BBOX1: variants seen among roughly 807,000 people sequenced by gnomAD.
BBOX1 encodes the protein gamma-butyrobetaine dioxygenase.
In BBOX1, 35 loss-of-function variants were observed where a neutral mutation model predicts 41.6. The ratio of observed to expected loss-of-function variants is 0.84; its 90% CI spans 0.64 to 1.11. The LOEUF (loss-of-function observed/expected upper bound fraction) is 1.11, where lower values mean the gene tolerates loss of function less well. BBOX1 is among the 50% of genes most tolerant of loss of function. The pLI, the probability that BBOX1 is intolerant of heterozygous loss-of-function variation, is 0.00. For missense variants in BBOX1, 458 were observed against 460.6 expected (o/e 0.99, Z 0.05); for synonymous variants, 163 against 154.7 (o/e 1.05, Z -0.40).
chr11:27,061,303 G>C (rs1857127343), intron 4 of BBOX1, among the ~76,000 whole-genome samples: 3 of 152,228 alleles, frequency 2.0e-5, no homozygotes, highest in South Asian at 4.1e-4. Flanking sequence ...TTAAGTAGTG[G>C]AAAAAACTGG....
chr11:27,109,874 G>C (rs1055620654), intron 5 of BBOX1, among the ~76,000 whole-genome samples: 11 of 151,976 alleles, frequency 7.2e-5, no homozygotes, highest in Non-Finnish European at 1.6e-4. Context: ...AAAATATCCA[G>C]ACCAAGGGTC....
At chr11:27,072,502 T>A (rs1466504659) in intron 4 of BBOX1, among the ~76,000 whole-genome samples, 1 of 152,142 alleles carries the variant, frequency 6.6e-6, no homozygotes, top group Non-Finnish European at 1.5e-5. Flanking sequence ...CTGCCCAAGG[T>A]AATTTATAGA....
intron 5 of BBOX1, among the ~76,000 whole-genome samples, chr11:27,105,392 C>T (rs1304517591): frequency 1.3e-5 from 2 of 152,002 alleles, no homozygotes; most frequent in Non-Finnish European, 2.9e-5. Flanking sequence ...GTAGGGAAAT[C>T]CTTAAATGAC....
At chr11:27,083,601 C>A (rs1304050765) in intron 4 of BBOX1, among the ~76,000 whole-genome samples, 1 of 152,016 alleles carries the variant, frequency 6.6e-6, no homozygotes, top group Non-Finnish European at 1.5e-5. Flanking sequence ...TCTTAATCAC[C>A]ATGTCTAAAT....
chr11:27,092,652 C>T (rs1007936383), intron 4 of BBOX1, among the ~76,000 whole-genome samples: 16 of 151,996 alleles, frequency 1.1e-4, no homozygotes, highest in African/African-American at 3.9e-4. Context: ...ATCACTTGAT[C>T]CCAGAGGTTG....
intron 4 of BBOX1, among the ~76,000 whole-genome samples, chr11:27,064,297 A>C (rs1440732421): frequency 1.3e-5 from 2 of 152,130 alleles, no homozygotes; most frequent in Non-Finnish European, 2.9e-5. Context: ...CAGCTGCCTT[A>C]GAGCAATTAA....
At chr11:27,103,786 G>T (rs1329891591) in intron 5 of BBOX1, among the ~76,000 whole-genome samples, 1 of 151,824 alleles carries the variant, frequency 6.6e-6, no homozygotes, top group African/African-American at 2.4e-5. Flanking sequence ...CTGTCTGTAG[G>T]TATGCTATTT....
At chr11:27,110,940 A>G (rs1859038512) in intron 5 of BBOX1, among the ~76,000 whole-genome samples, 1 of 151,982 alleles carries the variant, frequency 6.6e-6, no homozygotes, top group Non-Finnish European at 1.5e-5. Flanking sequence ...ATTTTTAAAC[A>G]TGGCCTCCTT....
At chr11:27,095,040 A>T (rs1858388855) in intron 5 of BBOX1, among the ~76,000 whole-genome samples, 4 of 151,998 alleles carry the variant, frequency 2.6e-5, no homozygotes, top group Admixed American at 2.6e-4. Context: ...GCAGAGAATT[A>T]ATCTGTAACC....
intron 4 of BBOX1, among the ~76,000 whole-genome samples, chr11:27,082,554 T>C (rs1857884000): frequency 6.6e-6 from 1 of 152,170 alleles, no homozygotes; most frequent in Non-Finnish European, 1.5e-5. Context: ...TCCCATTGTC[T>C]TCAGTCAAAT....
At chr11:27,064,111 G>C (rs1214339784) in intron 4 of BBOX1, among the ~76,000 whole-genome samples, 1 of 152,040 alleles carries the variant, frequency 6.6e-6, no homozygotes, top group Non-Finnish European at 1.5e-5. Context: ...CTCAGAGGTG[G>C]GAGCCTGCAA....
intron 4 of BBOX1, among the ~76,000 whole-genome samples, chr11:27,089,361 T>G (rs1185124734): frequency 6.6e-6 from 1 of 151,942 alleles, no homozygotes; most frequent in Non-Finnish European, 1.5e-5. Flanking sequence ...CACTATCATC[T>G]CTCTAGGCTG....
At chr11:27,093,391 C>T in intron 5 of BBOX1, 25 bp downstream of exon 5, 1 of 1,606,974 alleles carries the variant, frequency 6.2e-7, no homozygotes, top group Non-Finnish European at 8.5e-7. Flanking sequence ...GGTTTGTATT[C>T]TGCCATCACA....
chr11:27,094,982 T>C (rs1295708948), intron 5 of BBOX1, among the ~76,000 whole-genome samples: 1 of 151,882 alleles, frequency 6.6e-6, no homozygotes, highest in East Asian at 1.9e-4. Flanking sequence ...CACAACAACT[T>C]TCTGAAATAA....
At chr11:27,096,838 T>C (rs1013931543) in intron 5 of BBOX1, among the ~76,000 whole-genome samples, 3 of 152,032 alleles carry the variant, frequency 2.0e-5, no homozygotes, top group Non-Finnish European at 4.4e-5. Flanking sequence ...AATACAATAA[T>C]TATTAGAATC....
rs377359383 is a variant in BBOX1 at position 27,119,770 on chromosome 11, C to G, written c.761C>G (p.Ser254Cys). Residue 254 changes from serine (S) to cysteine (C), a missense_variant, in exon 7 of 9, where the codon TCT (serine) becomes TGT (cysteine). Transcript: ENST00000263182. The stretch of plus-strand genomic sequence containing the variant: ...CCTCAGGCATTCCAGATTTTGTCCT[C>G]TACCTTTGTGGACTTTACAGACATT... ...NNPQAFQILSSTFVDFTDIGV... is the reference protein window; with the variant it reads ...NNPQAFQILSCTFVDFTDIGV... 5.0e-6 allele frequency: 8 copies of G among 1,603,218 alleles called. No homozygotes were observed. The highest frequency in any genetic ancestry group is 6.8e-6 in the Non-Finnish European group (8 of 1,176,196).
chr11:27,073,996 G>A (rs937258882), intron 4 of BBOX1, among the ~76,000 whole-genome samples: 4 of 151,948 alleles, frequency 2.6e-5, no homozygotes, highest in Non-Finnish European at 4.4e-5. Context: ...ACACCAACAT[G>A]GCACATATAT....
intron 4 of BBOX1, among the ~76,000 whole-genome samples, chr11:27,084,922 G>C (rs182194954): frequency 4.5e-4 from 69 of 152,212 alleles, no homozygotes; most frequent in African/African-American, 1.5e-3. Context: ...AGTTAAATTA[G>C]GAAGGGTGGT....
chr11:27,065,421 C>G (rs1857252603), intron 4 of BBOX1, among the ~76,000 whole-genome samples: 1 of 152,126 alleles, frequency 6.6e-6, no homozygotes, highest in Admixed American at 6.5e-5. Context: ...CTGCACTGCA[C>G]TTGGTAAAAT....
Sources: allele counts gnomAD v4.1 joint callset (sites outside exome capture counted in the v4.1 genomes callset), GRCh38; gene constraint gnomAD v4.1.1; transcripts MANE v1.5; gene names NCBI Gene and HGNC (gene_info 2026-07-23, HGNC 2026-07-21).